Variants in RBFOX1 observed in about 807,000 individuals in gnomAD.
The protein encoded by RBFOX1 is RNA binding protein fox-1 homolog 1.
A neutral mutation model predicts 57.7 loss-of-function variants in RBFOX1; 8 were observed. The ratio of observed to expected loss-of-function variants is 0.14; its 90% CI spans 0.08 to 0.25. The LOEUF is 0.25. Ranked by LOEUF, RBFOX1 falls within the 10% of genes least tolerant of loss-of-function variation. The probability of loss-of-function intolerance (pLI) is 1.00; values close to 1 mark genes in which losing one functional copy is unlikely to be tolerated. For synonymous variants in RBFOX1, 326 were observed against 222.4 expected, an observed-to-expected ratio of 1.47 and a Z score of -4.15; for missense variants, 611 against 548.5, an observed-to-expected ratio of 1.11 and a Z score of -1.14.
At chr16:7,479,551 G>C (rs149447416) in intron 4 of RBFOX1, among the ~76,000 whole-genome samples, 6 of 152,136 alleles carry the variant, frequency 3.9e-5, no homozygotes, top group Admixed American at 1.3e-4. Flanking sequence ...GCCTTTTCCC[G>C]GGTGAAGGTA....
At chr16:6,291,385 T>G (rs902711529) in intron 1 of RBFOX1, among the ~76,000 whole-genome samples, 3 of 152,168 alleles carry the variant, frequency 2.0e-5, no homozygotes, top group Admixed American at 2.0e-4. Context: ...TGATATGAGA[T>G]GGTGGAGGCC....
At chr16:7,504,771 T>TTTTA (rs2072541790) in intron 4 of RBFOX1, among the ~76,000 whole-genome samples, 4 of 49,834 alleles carry the variant, frequency 8.0e-5, no homozygotes, top group African/African-American at 5.0e-4. Context: ...ATATATATAT[T>TTTTA]TATATATATA....
At chr16:5,319,107 A>G (rs1485578268) in intron 1 of RBFOX1, among the ~76,000 whole-genome samples, 1 of 151,774 alleles carries the variant, frequency 6.6e-6, no homozygotes, top group Non-Finnish European at 1.5e-5. Flanking sequence ...AGCCTGGGCA[A>G]CAGAGTAAGA....
Position 5,646,194 on chromosome 16 carries a change from T to TG in RBFOX1, c.318+47233_318+47234insG, listed in dbSNP as rs1164038133. 9.4e-3 allele frequency among the ~76,000 whole-genome samples: 1,423 copies of TG among 150,908 alleles called. 23 individuals are homozygous for TG. The highest frequency in any genetic ancestry group is 0.033 in the African/African-American group (1,357 of 41,234). Reference sequence around the variant, plus strand: ...ACAGGCACGTGCTATTTTTTTTTTTTTTTTGTATTTTTAGTGGAGACAGGG... The same window carrying TG: ...ACAGGCACGTGCTATTTTTTTTTTTTGTTTTGTATTTTTAGTGGAGACAGGG... On this transcript the variant is annotated intron_variant, in intron 3 of 19. Coordinates refer to the RBFOX1 transcript ENST00000641259.
At chr16:6,242,817 C>G (rs533898995) in intron 1 of RBFOX1, among the ~76,000 whole-genome samples, 2 of 152,196 alleles carry the variant, frequency 1.3e-5, no homozygotes, top group East Asian at 3.9e-4. Flanking sequence ...GCCCAGATGT[C>G]CTTTTAATTC....
intron 3 of RBFOX1, among the ~76,000 whole-genome samples, chr16:6,935,938 C>G (rs557438835): frequency 2.0e-5 from 3 of 152,238 alleles, no homozygotes; most frequent in Non-Finnish European, 4.4e-5. Flanking sequence ...CCAATCTGTG[C>G]CGATGTGTGA....
intron 3 of RBFOX1, among the ~76,000 whole-genome samples, chr16:6,933,732 T>A (rs2076933095): frequency 6.6e-6 from 1 of 152,034 alleles, no homozygotes; most frequent in Non-Finnish European, 1.5e-5. Context: ...CAAAAACAAA[T>A]TGGAAGAATT....
At chr16:6,174,482 C>A (rs1379202108) in intron 1 of RBFOX1, among the ~76,000 whole-genome samples, 2 of 152,178 alleles carry the variant, frequency 1.3e-5, no homozygotes, top group Non-Finnish European at 2.9e-5. Context: ...GTAGTCCCAA[C>A]TATTGGGGAG....
At chr16:5,589,009 C>G (rs531952800) in intron 2 of RBFOX1, among the ~76,000 whole-genome samples, 1 of 152,270 alleles carries the variant, frequency 6.6e-6, no homozygotes, top group African/African-American at 2.4e-5. Flanking sequence ...GTTTGTTAAT[C>G]TTCTGGATGT....
rs147527672 is a variant in RBFOX1, at chr16:6,935,412, C to T, written c.-15-116645C>T. Among the ~76,000 whole-genome samples, 3 of 152,270 alleles carry T rather than the reference C, an allele frequency of 2.0e-5. No individual in the cohort carries two copies. The East Asian group carries it at 5.8e-4, about 29-fold the overall frequency. On this transcript the variant is annotated intron_variant, in intron 3 of 15. Coordinates refer to ENST00000550418, the MANE Select transcript of RBFOX1 (RefSeq NM_018723.4). ...TACCATGTGACTTCCAACAGTAGAT[C>T]ATAAAAAGGAAATCTTTTTCTCTCT...
chr16:7,699,581 G>A (rs2079979887), intron 14 of RBFOX1, among the ~76,000 whole-genome samples: 1 of 152,108 alleles, frequency 6.6e-6, no homozygotes, highest in Admixed American at 6.5e-5. Flanking sequence ...TTGAGATGTG[G>A]CCAGTCCACA....
At chr16:6,572,638 G>A (rs917360069) in intron 2 of RBFOX1, among the ~76,000 whole-genome samples, 2 of 151,754 alleles carry the variant, frequency 1.3e-5, no homozygotes, top group Non-Finnish European at 2.9e-5. Flanking sequence ...TGTCACCCAG[G>A]CTGGAGTGCA....
intron 1 of RBFOX1, among the ~76,000 whole-genome samples, chr16:6,142,177 T>TTGCTGC (rs373445407): frequency 8.1e-6 from 1 of 123,460 alleles, no homozygotes; most frequent in Non-Finnish European, 1.6e-5. Context: ...GAGATCCTTG[T>TTGCTGC]TGCTGCTGCT....
chr16:6,550,795 C>A (rs1437285093), intron 2 of RBFOX1, among the ~76,000 whole-genome samples: 2 of 152,220 alleles, frequency 1.3e-5, no homozygotes, highest in African/African-American at 4.8e-5. Context: ...AAACAGAGTA[C>A]TGTTTTGTGA....
At chr16:5,275,294 G>A (rs930203236) in intron 1 of RBFOX1, among the ~76,000 whole-genome samples, 48 of 152,108 alleles carry the variant, frequency 3.2e-4, no homozygotes, top group Admixed American at 3.1e-3. Context: ...TCATTTCTTT[G>A]TGTTGGGAAT....
intron 4 of RBFOX1, among the ~76,000 whole-genome samples, chr16:7,481,941 A>G (rs1687019163): frequency 6.6e-6 from 1 of 152,212 alleles, no homozygotes; most frequent in South Asian, 2.1e-4. Flanking sequence ...ACTGAAAGTG[A>G]AAAACAGTAT....
chr16:7,245,981 A>C (rs1211618671), intron 4 of RBFOX1, among the ~76,000 whole-genome samples: 1 of 152,198 alleles, frequency 6.6e-6, no homozygotes, highest in Non-Finnish European at 1.5e-5. Flanking sequence ...TATAGATTGC[A>C]GTGTAAATAG....
At chr16:6,990,209 T>G (rs1275051745) in intron 3 of RBFOX1, among the ~76,000 whole-genome samples, 1 of 152,106 alleles carries the variant, frequency 6.6e-6, no homozygotes, top group Non-Finnish European at 1.5e-5. Context: ...AATTTTGGAT[T>G]TCTTTGCTTC....
chr16:6,418,788 C>T (rs76204623), intron 2 of RBFOX1, among the ~76,000 whole-genome samples: 3 of 152,130 alleles, frequency 2.0e-5, no homozygotes, highest in African/African-American at 7.2e-5. Flanking sequence ...CTTGGCCTCC[C>T]AATATGCTGG....
Sources: allele counts gnomAD v4.1 joint callset (sites outside exome capture counted in the v4.1 genomes callset), GRCh38; gene constraint gnomAD v4.1.1; transcripts MANE v1.5; gene names NCBI Gene and HGNC (gene_info 2026-07-23, HGNC 2026-07-21).